GRM8: variants seen among roughly 807,000 people sequenced by gnomAD.
GRM8 encodes metabotropic glutamate receptor 8.
Under a neutral mutation model 87.2 loss-of-function variants are expected in GRM8, and 47 were observed. The ratio of observed to expected loss-of-function variants is 0.54; its 90% CI spans 0.43 to 0.69. The LOEUF is 0.69. Among genes scored for constraint, GRM8 ranks in the 30% least tolerant of loss-of-function variants. The pLI, the probability that GRM8 is intolerant of heterozygous loss-of-function variation, is 0.00. For synonymous variants in GRM8, 396 were observed against 404.5 expected (o/e 0.98, Z 0.25); for missense variants, 1,019 against 1,139.2 (o/e 0.89, Z 1.52).
intron 3 of GRM8, among the ~76,000 whole-genome samples, chr7:126,949,782 G>A (rs1338104934): frequency 6.6e-6 from 1 of 152,170 alleles, no homozygotes; most frequent in Non-Finnish European, 1.5e-5. Context: ...GGAGCCAGAG[G>A]AATAAGGAAG....
At chr7:126,779,070 T>C (rs1323071114) in intron 6 of GRM8, among the ~76,000 whole-genome samples, 1 of 152,084 alleles carries the variant, frequency 6.6e-6, no homozygotes, top group Non-Finnish European at 1.5e-5. Context: ...AATTCCCCTA[T>C]ATTATAGAAA....
intron 10 of GRM8, among the ~76,000 whole-genome samples, chr7:126,443,496 G>T (rs1362991235): frequency 2.0e-5 from 3 of 151,992 alleles, no homozygotes; most frequent in Non-Finnish European, 4.4e-5. Context: ...GGAAGGATGT[G>T]TGAAGATGTC....
chr7:127,103,571 A>G (rs553361084), intron 3 of GRM8, among the ~76,000 whole-genome samples: 14 of 152,300 alleles, frequency 9.2e-5, no homozygotes, highest in African/African-American at 2.9e-4. Flanking sequence ...GGATTTCTTT[A>G]TAGCAAAGCA....
At chr7:127,198,904 A>T (rs1407019368) in intron 2 of GRM8, among the ~76,000 whole-genome samples, 1 of 150,048 alleles carries the variant, frequency 6.7e-6, no homozygotes, top group Admixed American at 6.6e-5. Context: ...GCAATGGCGC[A>T]ATCTCGGCTC....
chr7:127,110,548 T>C (rs1202092185), intron 2 of GRM8, among the ~76,000 whole-genome samples: 4 of 152,238 alleles, frequency 2.6e-5, no homozygotes, highest in Non-Finnish European at 5.9e-5. Flanking sequence ...GCCATATTTC[T>C]ATTACTCAAA....
intron 3 of GRM8, among the ~76,000 whole-genome samples, chr7:127,043,928 G>T (rs1206414782): frequency 6.6e-6 from 1 of 151,856 alleles, no homozygotes; most frequent in African/African-American, 2.4e-5. Context: ...CCTAAAGGGG[G>T]AGCTGGAGAA....
rs513 is a variant in GRM8 at position 126,456,519 on chromosome 7, T to TAAAA, written c.2431-10151_2431-10148dup. On this transcript the variant is annotated intron_variant, in intron 9 of 10. Coordinates refer to ENST00000339582, the MANE Select transcript of GRM8 (RefSeq NM_000845.3). Reference sequence around the variant, plus strand: ...TCCTAAGTGTAAGAAAGCAGCAAGCTAAAAAAAAAAAAAAAAAAAAAAAAA... The same window carrying TAAAA: ...TCCTAAGTGTAAGAAAGCAGCAAGCTAAAAAAAAAAAAAAAAAAAAAAAAAAAAA... 1.6e-3 allele frequency among the ~76,000 whole-genome samples: 109 copies of TAAAA among 69,670 alleles called. 8 individuals carry two copies. Among genetic ancestry groups the TAAAA allele is most frequent in the African/African-American group, 8.1e-3 (98 of 12,052 alleles). The allele number at this position is 69,670 out of a possible 152,430, so 45.7% of individuals were successfully genotyped here.
chr7:127,242,646 C>A, intron 2 of GRM8, 49 bp downstream of exon 2: 1 of 1,531,874 alleles, frequency 6.5e-7, no homozygotes, highest in Non-Finnish European at 8.9e-7. Flanking sequence ...GGAGTCATAG[C>A]ATTTCATTGT....
chr7:126,652,594 G>A (rs1051846918), intron 7 of GRM8, among the ~76,000 whole-genome samples: 4 of 152,168 alleles, frequency 2.6e-5, no homozygotes, highest in South Asian at 4.1e-4. Context: ...GCAGAAAAAT[G>A]TGAAAAGACT....
chr7:126,537,180 A>C (rs1330325707), intron 8 of GRM8, among the ~76,000 whole-genome samples: 1 of 152,216 alleles, frequency 6.6e-6, no homozygotes, highest in African/African-American at 2.4e-5. Flanking sequence ...AATTTTCTTT[A>C]AGTAAAAAAA....
intron 7 of GRM8, among the ~76,000 whole-genome samples, chr7:126,759,717 C>T (rs1049982593): frequency 2.0e-5 from 3 of 152,108 alleles, no homozygotes; most frequent in Non-Finnish European, 4.4e-5. Flanking sequence ...AGTCCCAACC[C>T]ACTCATCTCA....
At chr7:126,702,196 A>G (rs2151398778) in intron 7 of GRM8, among the ~76,000 whole-genome samples, 1 of 152,356 alleles carries the variant, frequency 6.6e-6, no homozygotes, top group Admixed American at 6.5e-5. Flanking sequence ...TGGAAGACTC[A>G]CACAGTATAC....
chr7:126,543,749 T>A (rs1055951698), intron 8 of GRM8, among the ~76,000 whole-genome samples: 1 of 151,908 alleles, frequency 6.6e-6, no homozygotes, highest in Non-Finnish European at 1.5e-5. Context: ...ACAGACATGA[T>A]GAAAAATACA....
At position 126,659,793 on chromosome 7, in the gene GRM8, A is replaced by T. The variant is rs146068468; in HGVS notation, c.1358-50295T>A. ...CTATTTCAAATAAAAGTGTGGATTG[A>T]TATCCTTGATTTTGTTTGCATTTAT... On this transcript the variant is annotated intron_variant, in intron 7 of 10. Transcript: ENST00000339582. Among the ~76,000 whole-genome samples, 4 of 152,284 alleles carry T rather than the reference A, an allele frequency of 2.6e-5. No individual in the cohort carries two copies. In the East Asian group the frequency reaches 7.7e-4, roughly 29 times the overall value.
intron 6 of GRM8, among the ~76,000 whole-genome samples, chr7:126,857,004 T>G (rs554869634): frequency 6.6e-6 from 1 of 152,176 alleles, no homozygotes; most frequent in Non-Finnish European, 1.5e-5. Flanking sequence ...GATAAAGAAG[T>G]TCTTTGTAAT....
At chr7:127,003,862 T>C (rs542174094) in intron 3 of GRM8, among the ~76,000 whole-genome samples, 27 of 151,838 alleles carry the variant, frequency 1.8e-4, no homozygotes, top group Non-Finnish European at 3.8e-4. Flanking sequence ...CTTAGAATCT[T>C]GTGGTTAAGG....
chr7:126,933,415 C>A (rs1316971670), intron 3 of GRM8, among the ~76,000 whole-genome samples: 2 of 152,200 alleles, frequency 1.3e-5, no homozygotes, highest in South Asian at 2.1e-4. Flanking sequence ...ACACACCAAG[C>A]TCTATGACTT....
intron 3 of GRM8, among the ~76,000 whole-genome samples, chr7:127,063,377 A>G (rs1482127740): frequency 6.6e-6 from 1 of 152,048 alleles, no homozygotes; most frequent in South Asian, 2.1e-4. Flanking sequence ...GGAGTTTGAG[A>G]GCAGCCCAGC....
chr7:126,903,600 ACT>A (rs1235620216), intron 5 of GRM8, among the ~76,000 whole-genome samples: 2 of 126,718 alleles, frequency 1.6e-5, no homozygotes, highest in African/African-American at 3.0e-5. Flanking sequence ...ACACACACAC[ACT>A]ATATACATAT....
Sources: gnomAD v4.1 joint callset for allele counts (sites outside exome capture counted in the v4.1 genomes callset) on GRCh38, gnomAD v4.1.1 for gene constraint, MANE v1.5 for transcripts, NCBI Gene and HGNC (gene_info 2026-07-23, HGNC 2026-07-21) for gene names.